The following MACROD1 variants were observed in gnomAD, a reference collection of about 807,000 sequenced individuals.
MACROD1 encodes ADP-ribose glycohydrolase MACROD1.
A neutral mutation model predicts 41.4 loss-of-function variants in MACROD1; 31 were observed. The ratio of observed to expected loss-of-function variants is 0.75; its 90% CI spans 0.56 to 1.01. The LOEUF (loss-of-function observed/expected upper bound fraction) is 1.01, where lower values mean the gene tolerates loss of function less well. Among genes scored for constraint, MACROD1 ranks in the 50% least tolerant of loss-of-function variants. The pLI is 0.00. For missense variants in MACROD1, 473 were observed against 460.0 expected, an observed-to-expected ratio of 1.03 and a Z score of -0.26; for synonymous variants, 252 against 203.4, an observed-to-expected ratio of 1.24 and a Z score of -2.03.
At chr11:64,139,298 G>A (rs1192787451) in intron 3 of MACROD1, among the ~76,000 whole-genome samples, 1 of 152,184 alleles carries the variant, frequency 6.6e-6, no homozygotes, top group Non-Finnish European at 1.5e-5. Context: ...GATATAAACA[G>A]CCGCGTCCCT....
intron 3 of MACROD1, among the ~76,000 whole-genome samples, chr11:64,110,959 G>A (rs1254843680): frequency 2.0e-5 from 3 of 152,218 alleles, no homozygotes; most frequent in Non-Finnish European, 4.4e-5. Flanking sequence ...GCCTTGGGGA[G>A]GGGGGCGGCA....
chr11:64,128,013 C>T (rs1349024485), intron 3 of MACROD1, among the ~76,000 whole-genome samples: 2 of 152,212 alleles, frequency 1.3e-5, no homozygotes, highest in Non-Finnish European at 2.9e-5. Context: ...ATACAGTTAA[C>T]GGGTTTTTCC....
intron 8 of MACROD1, 90 bp from the exon 9 acceptor site, chr11:63,999,126 C>G: frequency 7.2e-7 from 1 of 1,379,974 alleles, no homozygotes; most frequent in Non-Finnish European, 9.8e-7. Context: ...CTTTCACCTG[C>G]CTGGCCCTGC....
At chr11:64,022,132 TG>T (rs1406637215) in intron 3 of MACROD1, among the ~76,000 whole-genome samples, 1 of 150,316 alleles carries the variant, frequency 6.7e-6, no homozygotes, top group East Asian at 2.0e-4. Context: ...GAGCAGCCCC[TG>T]GGGGGCCTTG....
intron 3 of MACROD1, chr11:64,117,944 G>A (rs1215121951): frequency 4.3e-6 from 7 of 1,613,770 alleles, no homozygotes; most frequent in East Asian, 2.2e-5. Flanking sequence ...TCATCGGCGG[G>A]GCAGTGGCTC....
chr11:64,102,203 C>A (rs1944682335), intron 3 of MACROD1, among the ~76,000 whole-genome samples: 1 of 152,180 alleles, frequency 6.6e-6, no homozygotes, highest in African/African-American at 2.4e-5. Flanking sequence ...AGAGGGGTTC[C>A]TGCAGGGGGA....
At chr11:64,097,186 G>A (rs1354533974) in intron 3 of MACROD1, among the ~76,000 whole-genome samples, 1 of 152,236 alleles carries the variant, frequency 6.6e-6, no homozygotes, top group Non-Finnish European at 1.5e-5. Context: ...CCTGAGCCTG[G>A]CAGAACTGGG....
At chr11:64,139,813 G>A (rs1384207678) in intron 3 of MACROD1, among the ~76,000 whole-genome samples, 11 of 152,130 alleles carry the variant, frequency 7.2e-5, no homozygotes, top group Non-Finnish European at 1.0e-4. Flanking sequence ...AAAATTAGCC[G>A]GGCGTGGTGG....
intron 3 of MACROD1, among the ~76,000 whole-genome samples, chr11:64,066,319 A>C (rs1215764676): frequency 6.9e-6 from 1 of 144,710 alleles, no homozygotes; most frequent in African/African-American, 2.7e-5. Context: ...AAAAAAAAAA[A>C]GATGAATTTA....
chr11:64,047,201 G>C (rs531263510), intron 3 of MACROD1, among the ~76,000 whole-genome samples: 1 of 152,152 alleles, frequency 6.6e-6, no homozygotes, highest in African/African-American at 2.4e-5. Context: ...CCCCTCCCCT[G>C]CCCCAGAGAG....
At chr11:64,081,756 G>GT (rs1944308337) in intron 3 of MACROD1, 2 of 152,134 alleles carry the variant, frequency 1.3e-5, no homozygotes, top group African/African-American at 4.8e-5. Flanking sequence ...CCAACTCCAG[G>GT]TCCAGAGCCG....
chr11:64,100,546 G>A (rs564061067), intron 3 of MACROD1, among the ~76,000 whole-genome samples: 1 of 152,346 alleles, frequency 6.6e-6, no homozygotes, highest in African/African-American at 2.4e-5. Context: ...CAGAAGGGTG[G>A]CCACTGGGGG....
intron 3 of MACROD1, among the ~76,000 whole-genome samples, chr11:64,049,202 C>G (rs1943643680): frequency 6.6e-6 from 1 of 152,174 alleles, no homozygotes; most frequent in South Asian, 2.1e-4. Flanking sequence ...TAGTCCCACT[C>G]TTGGAAGGAC....
intron 3 of MACROD1, among the ~76,000 whole-genome samples, chr11:64,129,476 T>C (rs1945234734): frequency 6.6e-6 from 1 of 152,308 alleles, no homozygotes; most frequent in South Asian, 2.1e-4. Context: ...CCGGGTTGCC[T>C]ACAGTTTGTC....
In MACROD1 at chr11:64,146,487, C is replaced by T. The variant is rs1945497474; in HGVS notation, c.517+4752G>A. ...ACACAGATGGCAGGAACCTGAGACT[C>T]TCCCGGGTGCTACCCAAGCAAGTGG... On this transcript the variant is annotated intron_variant, in intron 3 of 10. Transcript: ENST00000255681. This position sits in a 1 kb window ranked among gnomAD's most constrained non-coding sequence, Gnocchi z 4.7. 6.6e-6 allele frequency among the ~76,000 whole-genome samples: 1 copy of T among 152,206 alleles called. No individual in the cohort carries two copies. Among genetic ancestry groups the T allele is most frequent in the African/African-American group, 2.4e-5 (1 of 41,438 alleles).
chr11:64,149,691 C>T (rs1222319252), intron 3 of MACROD1, among the ~76,000 whole-genome samples: 1 of 152,376 alleles, frequency 6.6e-6, no homozygotes, highest in East Asian at 1.9e-4. Flanking sequence ...GAAGGTACCG[C>T]TGCAGTACCT....
intron 3 of MACROD1, among the ~76,000 whole-genome samples, chr11:64,023,804 C>T (rs962596722): frequency 6.6e-6 from 1 of 152,212 alleles, no homozygotes; most frequent in Non-Finnish European, 1.5e-5. Flanking sequence ...CACTCTATAG[C>T]CCCTCTTCCT....
chr11:64,017,984 G>A (rs980590446), intron 3 of MACROD1, among the ~76,000 whole-genome samples: 43 of 152,216 alleles, frequency 2.8e-4, no homozygotes, highest in Admixed American at 1.3e-4. Flanking sequence ...ACTCCACTGT[G>A]TGTGGCCTGC....
At chr11:64,136,673 C>T (rs192987996) in intron 3 of MACROD1, among the ~76,000 whole-genome samples, 26 of 152,362 alleles carry the variant, frequency 1.7e-4, no homozygotes, top group Admixed American at 1.3e-3. Flanking sequence ...CCCCCGCCAC[C>T]GACCTGTGAG....
Sources: gnomAD v4.1 joint callset for allele counts (sites outside exome capture counted in the v4.1 genomes callset) on GRCh38, gnomAD v4.1.1 for gene constraint, Gnocchi (gnomAD v3.1) non-coding constraint, MANE v1.5 for transcripts, NCBI Gene and HGNC (gene_info 2026-07-23, HGNC 2026-07-21) for gene names.